GABRR2: variants seen among roughly 807,000 people sequenced by gnomAD.
GABRR2 encodes the protein gamma-aminobutyric acid receptor subunit rho-2.
Under a neutral mutation model 47.0 loss-of-function variants are expected in GABRR2, and 36 were observed. The observed-to-expected ratio is 0.77, with a 90% CI of 0.59 to 1.01. The LOEUF (loss-of-function observed/expected upper bound fraction) is 1.01, where lower values mean the gene tolerates loss of function less well. Ranked by LOEUF, GABRR2 falls within the 50% of genes least tolerant of loss-of-function variation. GABRR2 has a pLI of 0.00. For synonymous variants in GABRR2, 204 were observed against 227.5 expected, an observed-to-expected ratio of 0.90 and a Z score of 0.93; for missense variants, 587 against 594.6, an observed-to-expected ratio of 0.99 and a Z score of 0.13.
chr6:89,284,524 A>G (rs1220253290), intron 2 of GABRR2, among the ~76,000 whole-genome samples: 4 of 152,176 alleles, frequency 2.6e-5, no homozygotes, highest in Non-Finnish European at 4.4e-5. Flanking sequence ...TGTGGAAGAG[A>G]GAGGCAGAAG....
intron 1 of GABRR2, among the ~76,000 whole-genome samples, chr6:89,305,884 C>T (rs1767549962): frequency 1.3e-5 from 2 of 152,030 alleles, no homozygotes; most frequent in Admixed American, 1.3e-4. Flanking sequence ...ATCATCTGTA[C>T]AACAAACCCC....
At chr6:89,296,131 G>A (rs909897460) in intron 2 of GABRR2, among the ~76,000 whole-genome samples, 1 of 152,240 alleles carries the variant, frequency 6.6e-6, no homozygotes, top group Non-Finnish European at 1.5e-5. Context: ...TGTCTGTGCA[G>A]CCTCCTTTCT....
At chr6:89,285,864 G>T (rs577695801) in intron 2 of GABRR2, among the ~76,000 whole-genome samples, 2 of 151,998 alleles carry the variant, frequency 1.3e-5, no homozygotes, top group East Asian at 1.9e-4. Context: ...CTTTTCCTAG[G>T]CCTCGGCCTC....
chr6:89,255,982 C>T lies in GABRR2; in HGVS notation c.*1688G>A, dbSNP rs898765373. Among the ~76,000 whole-genome samples, 2 of 151,930 alleles carry T rather than the reference C, an allele frequency of 1.3e-5. No homozygotes were observed. Among genetic ancestry groups the T allele is most frequent in the Non-Finnish European group, 2.9e-5 (2 of 67,998 alleles). The stretch of plus-strand genomic sequence containing the variant: ...CTGGACTGCAGTGGCTTGATCACAG[C>T]TCACGGCAGCCTGGAATTCCTGGGC... On this transcript the variant is annotated 3_prime_UTR_variant, in exon 9 of 9. Coordinates refer to ENST00000402938, the MANE Select transcript of GABRR2 (RefSeq NM_002043.5).
In GABRR2 at chr6:89,301,754, T is replaced by G. The variant is rs1582463116; in HGVS notation, c.114-1889A>C. 1.0e-5 allele frequency: 7 copies of G among 690,674 alleles called. No individual in the cohort carries two copies. In the East Asian group the frequency reaches 1.9e-4, roughly 19 times the overall value. The allele number at this position is 690,674 out of a possible 1,614,324, so 42.8% of individuals were successfully genotyped here. A position where few individuals can be genotyped will look rare whatever the true frequency, so the allele number is the denominator to read the frequency against. Reference sequence around the variant, plus strand: ...GCAGCCAGCCCAGCCCGCCTGCCCGTCCGCAGCCGCCTGCCAGACACGCCC... The same window carrying G: ...GCAGCCAGCCCAGCCCGCCTGCCCGGCCGCAGCCGCCTGCCAGACACGCCC... On this transcript the variant is annotated intron_variant, in intron 1 of 8. Transcript: ENST00000402938.
Position 89,272,759 on chromosome 6 carries a change from G to C in GABRR2, c.221-1037C>G, listed in dbSNP as rs557835053. 1.3e-4 allele frequency among the ~76,000 whole-genome samples: 20 copies of C among 152,328 alleles called. No individual in the cohort carries two copies. The South Asian group carries it at 4.1e-3, about 32-fold the overall frequency. On this transcript the variant is annotated intron_variant, in intron 2 of 8. Transcript: ENST00000402938. The stretch of plus-strand genomic sequence containing the variant: ...TGTGGTCTGAGCGGGGAGAACCTTG[G>C]GGGGACTTGGTGAGTCTGAGTCCTG...
At chr6:89,267,279 AT>A (rs1432725955) in intron 6 of GABRR2, among the ~76,000 whole-genome samples, 1 of 152,066 alleles carries the variant, frequency 6.6e-6, no homozygotes, top group Admixed American at 6.5e-5. Flanking sequence ...AATAATCAAA[AT>A]TTAGGCTGAG....
intron 6 of GABRR2, 117 bp downstream of exon 6, chr6:89,267,562 G>A: frequency 1.3e-5 from 14 of 1,054,164 alleles, no homozygotes; most frequent in Non-Finnish European, 1.9e-5. Flanking sequence ...GTGAGACCTT[G>A]TCTCAAAACA....
chr6:89,263,775 G>A lies in GABRR2; in HGVS notation c.1086+637C>T, dbSNP rs180830718. Among the ~76,000 whole-genome samples, 1,189 of 152,166 alleles carry A rather than the reference G, an allele frequency of 7.8e-3. 25 individuals are homozygous for A. The highest frequency in any genetic ancestry group is 0.028 in the African/African-American group (1,146 of 41,520). ...TGACCTCAGGTGATCCGCCCACCTCGGCCTCCCAAAGTGCTGGGATTATAG... is the reference window on the plus strand; with the variant it reads ...TGACCTCAGGTGATCCGCCCACCTCAGCCTCCCAAAGTGCTGGGATTATAG... On this transcript the variant is annotated intron_variant, in intron 8 of 8. Transcript: ENST00000402938.
chr6:89,302,341 C>T, intron 1 of GABRR2: 1 of 565,734 alleles, frequency 1.8e-6, no homozygotes, highest in Non-Finnish European at 3.6e-6. Context: ...GCTGTCCATC[C>T]ACCAGCTGGT....
rs764238649 is a variant in GABRR2, at chr6:89,256,486, T to C, written c.*1184A>G. ...CGCAATTAACATTAACAATAGGGAA[T>C]TGACAAGAGTTGCTGTGTAGTAAAG... On this transcript the variant is annotated 3_prime_UTR_variant, in exon 9 of 9. Transcript: ENST00000402938. 2.2e-4 allele frequency among the ~76,000 whole-genome samples: 33 copies of C among 152,166 alleles called. 1 individual carries two copies. The highest frequency in any genetic ancestry group is 3.7e-4 in the Non-Finnish European group (25 of 68,024).
chr6:89,265,783 A>G lies in GABRR2; in HGVS notation c.737-18T>C. 1.9e-6 allele frequency: 3 copies of G among 1,612,900 alleles called. No individual in the cohort carries two copies. Among genetic ancestry groups the G allele is most frequent in the Non-Finnish European group, 2.5e-6 (3 of 1,179,326 alleles). On this transcript the variant is annotated intron_variant, in intron 6 of 8. Coordinates refer to ENST00000402938, the MANE Select transcript of GABRR2 (RefSeq NM_002043.5). Reference sequence around the variant, plus strand: ...GTACCAGCCTAGGGGATGCAGGAAGAAGCCAATGAGGTTCCATCTGAGAGG... The same window carrying G: ...GTACCAGCCTAGGGGATGCAGGAAGGAGCCAATGAGGTTCCATCTGAGAGG...
At chr6:89,271,828 G>A in intron 2 of GABRR2, 106 bp from the exon 3 acceptor site, 1 of 837,800 alleles carries the variant, frequency 1.2e-6, no homozygotes, top group East Asian at 2.7e-5. Context: ...GAGCAGAGTA[G>A]GGCAGAGGTT....
chr6:89,301,736 G>C (rs192434415), intron 1 of GABRR2: 7 of 662,304 alleles, frequency 1.1e-5, no homozygotes, highest in African/African-American at 1.8e-5. Context: ...TCAGCAGCCA[G>C]CCCAGCCCGC....
chr6:89,289,960 C>G (rs1774407662), intron 2 of GABRR2, among the ~76,000 whole-genome samples: 1 of 152,094 alleles, frequency 6.6e-6, no homozygotes, highest in South Asian at 2.1e-4. Flanking sequence ...TTATAACAAC[C>G]TACTCTTATG....
At chr6:89,294,058 T>A (rs775030460) in intron 2 of GABRR2, among the ~76,000 whole-genome samples, 58 of 152,228 alleles carry the variant, frequency 3.8e-4, no homozygotes, top group Non-Finnish European at 7.1e-4. Context: ...TTTTAATTTT[T>A]AAAAAATATT....
At chr6:89,313,826 A>G (rs1315056034) in intron 1 of GABRR2, among the ~76,000 whole-genome samples, 1 of 152,160 alleles carries the variant, frequency 6.6e-6, no homozygotes, top group African/African-American at 2.4e-5. Context: ...CTGAGGCAGG[A>G]GAATCGCTTG....
At chr6:89,276,310 T>A (rs9353661) in intron 2 of GABRR2, among the ~76,000 whole-genome samples, 9 of 151,346 alleles carry the variant, frequency 5.9e-5, no homozygotes, top group Non-Finnish European at 1.3e-4. Context: ...AAGTTTACTA[T>A]GTGCAAATAG....
chr6:89,279,613 C>T (rs976654676), intron 2 of GABRR2, among the ~76,000 whole-genome samples: 2 of 151,368 alleles, frequency 1.3e-5, no homozygotes, highest in African/African-American at 4.9e-5. Flanking sequence ...CTTAAGGGAT[C>T]CTCCCTCCTC....
Sources: gnomAD v4.1 joint callset for allele counts (sites outside exome capture counted in the v4.1 genomes callset) on GRCh38, gnomAD v4.1.1 for gene constraint, MANE v1.5 for transcripts, NCBI Gene and HGNC (gene_info 2026-07-23, HGNC 2026-07-21) for gene names.